Variants in TMEM238 observed in about 807,000 individuals in gnomAD.
TMEM238 encodes the protein transmembrane protein 238.
For synonymous variants in TMEM238, 103 were observed against 111.5 expected (o/e 0.92, Z 0.48); for missense variants, 169 against 206.8 (o/e 0.82, Z 1.12).
At position 55,383,978 on chromosome 19, in the gene TMEM238, G is replaced by T. The variant is rs2089897439; in HGVS notation, c.282C>A (p.Ile94=). Residue 94 remains isoleucine (I), a synonymous_variant, in exon 1 of 2, where the codon ATC becomes ATA. Transcript: ENST00000444469. This position sits in a 1 kb window ranked among gnomAD's most constrained non-coding sequence, Gnocchi z 4.9. ...GCTCCAGCTCCTGGCGCGAGATCTC[G>T]ATGTTGCCGGTGTACCAGAGGATCC... ...LGWILWYTGN[I]EISRQELERD... The T allele has an allele frequency of 4.2e-6, 6 of 1,416,770 alleles. No homozygotes were observed. The highest frequency in any genetic ancestry group is 5.6e-6 in the Non-Finnish European group (6 of 1,076,012). 87.8% of individuals were successfully genotyped at this position (1,416,770 alleles called of 1,614,324 possible). A position where few individuals can be genotyped will look rare whatever the true frequency, so the allele number is the denominator to read the frequency against.
chr19:55,381,624 C>A (rs781011877), intron 1 of TMEM238, among the ~76,000 whole-genome samples: 1 of 152,096 alleles, frequency 6.6e-6, no homozygotes, highest in African/African-American at 2.4e-5. Flanking sequence ...ATTCACCCAT[C>A]TACCTATCTA....
chr19:55,380,325 TC>T (rs2089880994), intron 1 of TMEM238, among the ~76,000 whole-genome samples: 1 of 22,592 alleles, frequency 4.4e-5, no homozygotes, highest in East Asian at 2.0e-3. Flanking sequence ...GCCCGTCCCC[TC>T]CCCCTTCCCC....
chr19:55,381,749 C>T (rs928875406), intron 1 of TMEM238, among the ~76,000 whole-genome samples: 2 of 152,282 alleles, frequency 1.3e-5, no homozygotes, highest in Admixed American at 6.5e-5. Context: ...TTAAGGTGCC[C>T]TGGGGAGGTG....
In TMEM238 at chr19:55,383,972, G is replaced by A; in HGVS notation, c.288C>T (p.Ile96=). 2 of 1,409,678 alleles carry A rather than the reference G, an allele frequency of 1.4e-6. No individual in the cohort carries two copies. The highest frequency in any genetic ancestry group is 1.9e-6 in the Non-Finnish European group (2 of 1,072,038). 87.3% of individuals were successfully genotyped at this position (1,409,678 alleles called of 1,614,324 possible). A position where few individuals can be genotyped will look rare whatever the true frequency, so the allele number is the denominator to read the frequency against. Residue 96 remains isoleucine, a synonymous_variant, in exon 1 of 2, where the codon ATC becomes ATT. Transcript: ENST00000444469. This position sits in a 1 kb window ranked among gnomAD's most constrained non-coding sequence, Gnocchi z 4.9. ...AGTCGCGCTCCAGCTCCTGGCGCGA[G>A]ATCTCGATGTTGCCGGTGTACCAGA... The part of the protein sequence containing the change: ...WILWYTGNIE[I]SRQELERDYG...
intron 1 of TMEM238, among the ~76,000 whole-genome samples, chr19:55,381,914 G>T (rs1413703804): frequency 6.6e-6 from 1 of 152,050 alleles, no homozygotes; most frequent in Non-Finnish European, 1.5e-5. Context: ...TCCATTCATG[G>T]TTCATTGCCC....
At chr19:55,380,760 C>T (rs139937847) in intron 1 of TMEM238, among the ~76,000 whole-genome samples, 2 of 148,612 alleles carry the variant, frequency 1.3e-5, no homozygotes, top group Admixed American at 6.7e-5. Flanking sequence ...TTTTTTGAGA[C>T]GGGTTCTCAC....
intron 1 of TMEM238, among the ~76,000 whole-genome samples, chr19:55,381,467 C>T (rs996893871): frequency 1.4e-5 from 2 of 142,388 alleles, no homozygotes; most frequent in East Asian, 2.0e-4. Flanking sequence ...CTACATAGAA[C>T]GTCCTAGGAT....
In TMEM238 at chr19:55,383,393, CAACAA is replaced by C. The variant is rs1035957022; in HGVS notation, c.*7+324_*7+328del. Among the ~76,000 whole-genome samples the C allele has an allele frequency of 6.6e-6, 1 of 151,688 alleles. No homozygotes were observed. The highest frequency in any genetic ancestry group is 1.5e-5 in the Non-Finnish European group (1 of 67,906). On this transcript the variant is annotated intron_variant, in intron 1 of 1. Transcript: ENST00000444469. The surrounding 1 kb of genome is among the most constrained non-coding windows in gnomAD (Gnocchi z 4.9). ...CCTGTCTCAAAACAACCCCAAACGA[CAACAA>C]AACAAAACAAAACAAAAAATGGGGC...
intron 1 of TMEM238, among the ~76,000 whole-genome samples, chr19:55,382,076 C>T (rs1196128987): frequency 6.6e-6 from 1 of 151,660 alleles, no homozygotes; most frequent in Non-Finnish European, 1.5e-5. Flanking sequence ...TCTACCCATC[C>T]ACCTATCCAA....
In TMEM238 at chr19:55,384,203, G is replaced by A. The variant is rs2089899684; in HGVS notation, c.57C>T (p.Ser19=). 3.4e-6 allele frequency: 4 copies of A among 1,166,952 alleles called. No homozygotes were observed. In the South Asian group the frequency reaches 1.6e-4, roughly 48 times the overall value. 72.3% of individuals were successfully genotyped at this position (1,166,952 alleles called of 1,614,324 possible). A position where few individuals can be genotyped will look rare whatever the true frequency, so the allele number is the denominator to read the frequency against. Residue 19 remains serine, a synonymous_variant, in exon 1 of 2, where the codon TCC becomes TCT. Coordinates refer to ENST00000444469, the MANE Select transcript of TMEM238 (RefSeq NM_001190764.2). This position sits in a 1 kb window ranked among gnomAD's most constrained non-coding sequence, Gnocchi z 5.6. ...CGGGTGCTGGCGCGGCCGCCGGCGC[G>A]GACGGTGCACCCGGCGGGCTCCCCT... ...ASQGSPPGAP[S]APAAAPAPAA...
rs1011792475 is a variant in TMEM238 at position 55,383,802 on chromosome 19, C to A, written c.458G>T (p.Gly153Val). ...AARAPPPPAA[G>V]SRRVRLQLAT... ...GAGCTGCAGGCGCACGCGGCGGGAG[C>A]CGGCGGCGGGCGGCGGGGGCGCGCG... The change falls in exon 1 of 2, where the codon GGC becomes GTC. Residue 153 changes from glycine (G) to valine (V), a missense_variant. Gly to Val is a moderately radical substitution (Grantham distance 109, BLOSUM62 -3). Coordinates refer to ENST00000444469, the MANE Select transcript of TMEM238 (RefSeq NM_001190764.2). The surrounding 1 kb of genome is among the most constrained non-coding windows in gnomAD (Gnocchi z 4.9). The A allele has an allele frequency of 1.1e-5, 4 of 352,336 alleles. No individual in the cohort carries two copies. The highest frequency in any genetic ancestry group is 1.6e-5 in the Non-Finnish European group (4 of 253,346). 21.8% of individuals were successfully genotyped at this position (352,336 alleles called of 1,614,324 possible). A position where few individuals can be genotyped will look rare whatever the true frequency, so the allele number is the denominator to read the frequency against.
At position 55,383,278 on chromosome 19, in the gene TMEM238, A is replaced by G. The variant is rs1490269929; in HGVS notation, c.*7+444T>C. Among the ~76,000 whole-genome samples, 1 of 151,776 alleles carries G rather than the reference A, an allele frequency of 6.6e-6. No homozygotes were observed. The highest frequency in any genetic ancestry group is 2.4e-5 in the African/African-American group (1 of 41,344). On this transcript the variant is annotated intron_variant, in intron 1 of 1. Transcript: ENST00000444469. The surrounding 1 kb of genome is among the most constrained non-coding windows in gnomAD (Gnocchi z 4.9). The stretch of plus-strand genomic sequence containing the variant: ...GTATTCTCAGCTACTTGGGAGGCTC[A>G]GGTGGGAGGACTGCTTGAGCCTAGG...
rs937738489 is a variant in TMEM238, at chr19:55,383,900, G to C, written c.360C>G (p.Ser120=). 1 of 1,150,994 alleles carries C rather than the reference G, an allele frequency of 8.7e-7. No homozygotes were observed. The highest frequency in any genetic ancestry group is 4.1e-5 in the East Asian group (1 of 24,350). 71.3% of individuals were successfully genotyped at this position (1,150,994 alleles called of 1,614,324 possible). The change falls in exon 1 of 2, where the codon TCC becomes TCG. Residue 120 remains serine, a synonymous_variant. Transcript: ENST00000444469. This position sits in a 1 kb window ranked among gnomAD's most constrained non-coding sequence, Gnocchi z 4.9. ...CGGCGGCGGGCGCCGACCAGCGGCG[G>C]GAGAGCTTGCGCGCCAGGCGGGCGA... The part of the protein sequence containing the change: ...SALARLARKL[S]RRWSAPAAAG...
At position 55,379,312 on chromosome 19, in the gene TMEM238, T is replaced by G. The variant is rs569242716; in HGVS notation, c.*63A>C. Reference sequence around the variant, plus strand: ...CAGGGAGCGTCCGTCTGGCCACGGATGTAGGGGCAGCTGCACATCTCAGTC... The same window carrying G: ...CAGGGAGCGTCCGTCTGGCCACGGAGGTAGGGGCAGCTGCACATCTCAGTC... On this transcript the variant is annotated 3_prime_UTR_variant, in exon 2 of 2. Coordinates refer to ENST00000444469, the MANE Select transcript of TMEM238 (RefSeq NM_001190764.2). The G allele has an allele frequency of 3.3e-4, 50 of 152,308 alleles. No homozygotes were observed. Among genetic ancestry groups the G allele is most frequent in the African/African-American group, 1.2e-3 (49 of 41,528 alleles). The allele number at this position is 152,308 out of a possible 1,614,324, so 9.4% of individuals were successfully genotyped here.
intron 1 of TMEM238, among the ~76,000 whole-genome samples, chr19:55,379,576 G>A (rs2123260885): frequency 6.6e-6 from 1 of 152,242 alleles, no homozygotes; most frequent in Non-Finnish European, 1.5e-5. Flanking sequence ...GAAATCCAAG[G>A]GTAGAGGCCA....
At chr19:55,379,757 T>G (rs2089877605) in intron 1 of TMEM238, among the ~76,000 whole-genome samples, 1 of 152,028 alleles carries the variant, frequency 6.6e-6, no homozygotes, top group African/African-American at 2.4e-5. Flanking sequence ...CCGGGCATCG[T>G]GGTCCTCATC....
intron 1 of TMEM238, among the ~76,000 whole-genome samples, chr19:55,381,632 C>T (rs1452368851): frequency 2.6e-5 from 4 of 152,072 alleles, no homozygotes; most frequent in Admixed American, 2.6e-4. Flanking sequence ...ATCTACCTAT[C>T]TATCCAGAGA....
chr19:55,383,843 T>C lies in TMEM238; in HGVS notation c.417A>G (p.Arg139=), dbSNP rs1468920239. Residue 139 remains arginine (R), a synonymous_variant, in exon 1 of 2, where the codon AGA becomes AGG. Coordinates refer to ENST00000444469, the MANE Select transcript of TMEM238 (RefSeq NM_001190764.2). This position sits in a 1 kb window ranked among gnomAD's most constrained non-coding sequence, Gnocchi z 4.9. The part of the protein sequence containing the change: ...AGQRPAPGSR[R]ARRAARAPPP... ...GGGGCGCGCGGGCGGCTCGGCGCGC[T>C]CTCCGGGAGCCGGGCGCGGGGCGCT... 3.8e-6 allele frequency: 3 copies of C among 790,624 alleles called. No homozygotes were observed. The highest frequency in any genetic ancestry group is 4.6e-6 in the Non-Finnish European group (3 of 653,976). 49.0% of individuals were successfully genotyped at this position (790,624 alleles called of 1,614,324 possible).
At chr19:55,379,561 G>A (rs1600293943) in intron 1 of TMEM238, among the ~76,000 whole-genome samples, 194 bp from the exon 2 acceptor site, 2 of 152,114 alleles carry the variant, frequency 1.3e-5, no homozygotes, top group South Asian at 2.1e-4. Flanking sequence ...TACCTTTAAC[G>A]CCCTGAAATC....
Sources: gnomAD v4.1 joint callset for allele counts (sites outside exome capture counted in the v4.1 genomes callset) on GRCh38, gnomAD v4.1.1 for gene constraint, Gnocchi (gnomAD v3.1) non-coding constraint, MANE v1.5 for transcripts, NCBI Gene and HGNC (gene_info 2026-07-23, HGNC 2026-07-21) for gene names.